Variants in PCDHGA1 observed in about 807,000 individuals in gnomAD.
PCDHGA1 encodes protocadherin gamma-A1.
Under a neutral mutation model 58.0 loss-of-function variants are expected in PCDHGA1, and 32 were observed. That is an observed-to-expected ratio of 0.55 (90% CI 0.42 to 0.74). The LOEUF (loss-of-function observed/expected upper bound fraction) is 0.74. PCDHGA1 is among the 30% of genes least tolerant of loss of function. The pLI, the probability that PCDHGA1 is intolerant of heterozygous loss-of-function variation, is 0.00. For synonymous variants in PCDHGA1, 498 were observed against 501.1 expected (o/e 0.99, Z 0.08); for missense variants, 1,205 against 1,182.3 (o/e 1.02, Z -0.28).
chr5:141,429,421 C>T (rs1223756901), intron 1 of PCDHGA1, among the ~76,000 whole-genome samples: 1 of 151,486 alleles, frequency 6.6e-6, no homozygotes, highest in Non-Finnish European at 1.5e-5. Context: ...CATTATGTTG[C>T]CCAGGCTGGA....
At chr5:141,352,775 AG>A in intron 1 of PCDHGA1, 2 of 1,188,828 alleles carry the variant, frequency 1.7e-6, no homozygotes, top group Non-Finnish European at 2.3e-6. Flanking sequence ...GGATCACTTG[AG>A]GTCAGGAGTT....
intron 1 of PCDHGA1, chr5:141,410,087 G>C (rs1427716409): frequency 6.2e-7 from 1 of 1,612,364 alleles, no homozygotes; most frequent in Admixed American, 1.7e-5. Context: ...GGTGCGCACG[G>C]CTCGAGCCTT....
At chr5:141,388,735 C>T (rs758511912) in intron 1 of PCDHGA1, 9 of 1,613,974 alleles carry the variant, frequency 5.6e-6, no homozygotes, top group Non-Finnish European at 7.6e-6. Context: ...TTCAGTGAAG[C>T]TAGCCAGATC....
chr5:141,371,124 C>G, intron 1 of PCDHGA1: 1 of 1,613,998 alleles, frequency 6.2e-7, no homozygotes, highest in Non-Finnish European at 8.5e-7. Context: ...AGTATTTACT[C>G]AGGACATGTA....
rs1590066119 is a variant in PCDHGA1, at chr5:141,417,816, C to G, written c.2422-76991C>G. On this transcript the variant is annotated intron_variant, in intron 1 of 3. Transcript: ENST00000517417. ...CTTTTAGCGCGGTAGAGTGCACTTT[C>G]TCCAACTGGAAAAGCGGGGACCCAG... is the stretch of plus-strand genomic sequence containing the variant. 3 of 1,511,044 alleles carry G rather than the reference C, an allele frequency of 2.0e-6. No homozygotes were observed. The East Asian group carries it at 7.4e-5, about 37-fold the overall frequency. 93.6% of individuals were successfully genotyped at this position (1,511,044 alleles called of 1,614,324 possible).
In PCDHGA1 at chr5:141,491,759, G is replaced by A; in HGVS notation, c.2422-3048G>A. On this transcript the variant is annotated intron_variant, in intron 1 of 3. Coordinates refer to ENST00000517417, the MANE Select transcript of PCDHGA1 (RefSeq NM_018912.3). The surrounding 1 kb of genome is among the most constrained non-coding windows in gnomAD (Gnocchi z 6.9). ...GGGGGCGGCACTGGAGAAGCCGCCC[G>A]TCCTCATAAGGGATTGAACTTGCAT... 2 of 1,575,392 alleles carry A rather than the reference G, an allele frequency of 1.3e-6. No homozygotes were observed. The highest frequency in any genetic ancestry group is 1.9e-5 in the Admixed American group (1 of 52,640).
At chr5:141,360,260 C>T (rs535439542) in intron 1 of PCDHGA1, 1 of 1,613,962 alleles carries the variant, frequency 6.2e-7, no homozygotes, top group East Asian at 2.2e-5. Flanking sequence ...GAGGAGCTGG[C>T]CAAAAACTCG....
chr5:141,357,313 C>T, intron 1 of PCDHGA1: 3 of 1,614,110 alleles, frequency 1.9e-6, no homozygotes, highest in Non-Finnish European at 2.5e-6. Flanking sequence ...CTGCGTCTTC[C>T]TGGCTTTTGT....
chr5:141,347,838 G>A (rs957524959), intron 1 of PCDHGA1, among the ~76,000 whole-genome samples: 7 of 151,630 alleles, frequency 4.6e-5, no homozygotes, highest in Non-Finnish European at 1.0e-4. Flanking sequence ...TATAGTGCCT[G>A]TTACATATGC....
In PCDHGA1 at chr5:141,432,009, G is replaced by A. The variant is rs1227754190; in HGVS notation, c.2422-62798G>A. ...GTCTTGGATAGGGAACAGGTTCCTA[G>A]CTACAACATCACAGTGACCGCCACT... On this transcript the variant is annotated intron_variant, in intron 1 of 3. Coordinates refer to ENST00000517417, the MANE Select transcript of PCDHGA1 (RefSeq NM_018912.3). The surrounding 1 kb of genome is among the most constrained non-coding windows in gnomAD (Gnocchi z 6.0). The A allele has an allele frequency of 1.2e-6, 2 of 1,614,188 alleles. No homozygotes were observed. The highest frequency in any genetic ancestry group is 1.7e-6 in the Non-Finnish European group (2 of 1,180,024).
At chr5:141,339,482 G>A (rs544131137) in intron 1 of PCDHGA1, 4 of 1,614,126 alleles carry the variant, frequency 2.5e-6, no homozygotes, top group African/African-American at 2.7e-5. Context: ...TCAGAAGTAC[G>A]CACTCAACCC....
chr5:141,388,745 C>T lies in PCDHGA1; in HGVS notation c.2421+55640C>T, dbSNP rs1280615634. Reference sequence around the variant, plus strand: ...TCTCTTTCAGTGAAGCTAGCCAGATCACCCAATTTGACCTGAACTCTAACA... The same window carrying T: ...TCTCTTTCAGTGAAGCTAGCCAGATTACCCAATTTGACCTGAACTCTAACA... On this transcript the variant is annotated intron_variant, in intron 1 of 3. Coordinates refer to ENST00000517417, the MANE Select transcript of PCDHGA1 (RefSeq NM_018912.3). 3 of 1,614,024 alleles carry T rather than the reference C, an allele frequency of 1.9e-6. No individual in the cohort carries two copies. The Admixed American group carries it at 5.0e-5, about 27-fold the overall frequency.
Position 141,332,259 on chromosome 5 carries a change from C to T in PCDHGA1, c.1575C>T (p.Phe525=). 1.9e-6 allele frequency: 3 copies of T among 1,614,238 alleles called. No individual in the cohort carries two copies. The highest frequency in any genetic ancestry group is 2.5e-6 in the Non-Finnish European group (3 of 1,180,046). The stretch of plus-strand genomic sequence containing the variant: ...TGCGATCCTTCGACTATGAGCAGTT[C>T]CGGGACATGCAACTGAAAGTGATGG... ...YALRSFDYEQ[F]RDMQLKVMAR... is the part of the protein sequence containing the mutation. The change falls in exon 1 of 4, where the codon TTC becomes TTT. Residue 525 remains phenylalanine, a synonymous_variant. Coordinates refer to ENST00000517417, the MANE Select transcript of PCDHGA1 (RefSeq NM_018912.3). The surrounding 1 kb of genome is among the most constrained non-coding windows in gnomAD (Gnocchi z 4.6).
intron 1 of PCDHGA1, chr5:141,364,596 G>A: frequency 6.2e-7 from 1 of 1,614,208 alleles, no homozygotes; most frequent in South Asian, 1.1e-5. Flanking sequence ...ACCGCGGGCA[G>A]GATAGACCGG....
chr5:141,410,589 A>G (rs2095410065), intron 1 of PCDHGA1: 1 of 1,609,086 alleles, frequency 6.2e-7, no homozygotes, highest in Non-Finnish European at 8.5e-7. Flanking sequence ...GGTGGGGAGG[A>G]TTTGACTTCA....
At chr5:141,378,415 C>G (rs62378442) in intron 1 of PCDHGA1, 5,215 of 152,332 alleles carry the variant, frequency 0.034, 104 homozygotes, top group Middle Eastern at 0.088. Context: ...CGCAGCTACT[C>G]GGGAGGCTGA....
At chr5:141,464,883 T>G (rs995385615) in intron 1 of PCDHGA1, among the ~76,000 whole-genome samples, 1 of 152,086 alleles carries the variant, frequency 6.6e-6, no homozygotes, top group African/African-American at 2.4e-5. Flanking sequence ...GGACTACAGA[T>G]GGATGCCACC....
chr5:141,451,233 T>A (rs1431967203), intron 1 of PCDHGA1, among the ~76,000 whole-genome samples: 1 of 152,216 alleles, frequency 6.6e-6, no homozygotes, highest in African/African-American at 2.4e-5. Flanking sequence ...GCATTTATTA[T>A]CTCATAAATT....
Position 141,476,102 on chromosome 5 carries a change from C to G in PCDHGA1, c.2422-18705C>G, listed in dbSNP as rs1488747783. The G allele has an allele frequency of 1.3e-6, 2 of 1,576,940 alleles. No homozygotes were observed. Among genetic ancestry groups the G allele is most frequent in the African/African-American group, 2.7e-5 (2 of 73,926 alleles). ...ACGATCTGGACCCCGCTGAGAGGAA[C>G]TGCTTTTGAGTGAGATGGTCCCAGA... On this transcript the variant is annotated intron_variant, in intron 1 of 3. Transcript: ENST00000517417. The surrounding 1 kb of genome is among the most constrained non-coding windows in gnomAD (Gnocchi z 7.6).
Sources: gnomAD v4.1 joint callset for allele counts (sites outside exome capture counted in the v4.1 genomes callset) on GRCh38, gnomAD v4.1.1 for gene constraint, Gnocchi (gnomAD v3.1) non-coding constraint, MANE v1.5 for transcripts, NCBI Gene and HGNC (gene_info 2026-07-23, HGNC 2026-07-21) for gene names.